The following SCARB1 variants were observed in gnomAD, a reference collection of about 807,000 sequenced individuals.
SCARB1 encodes CD36 and LIMPII analogous 1.
In SCARB1, 30 loss-of-function variants were observed where a neutral mutation model predicts 57.2. The observed-to-expected ratio is 0.52, with a 90% confidence interval of 0.39 to 0.71. The LOEUF is 0.71. SCARB1 is among the 30% of genes least tolerant of loss of function. The pLI is 0.00. For synonymous variants in SCARB1, 249 were observed against 268.3 expected (o/e 0.93, Z 0.70); for missense variants, 543 against 671.2 (o/e 0.81, Z 2.11).
chr12:124,798,239 C>T (rs143540882), intron 8 of SCARB1, among the ~76,000 whole-genome samples: 2 of 152,036 alleles, frequency 1.3e-5, no homozygotes, highest in Non-Finnish European at 1.5e-5. Flanking sequence ...GGTGAAATCC[C>T]GTCTCCACTA....
In SCARB1 at chr12:124,810,370, T is replaced by C; in HGVS notation, c.727-81A>G. On this transcript the variant is annotated intron_variant, in intron 5 of 12. Transcript: ENST00000261693. This position sits in a 1 kb window ranked among gnomAD's most constrained non-coding sequence, Gnocchi z 4.0. ...CCCTCTCAGGTGCTGCACACCTAAC[T>C]CACCCTGGTGCACGCACGGCCACTC... 4.1e-6 allele frequency: 4 copies of C among 972,828 alleles called. No individual in the cohort carries two copies. The highest frequency in any genetic ancestry group is 5.0e-6 in the Non-Finnish European group (3 of 602,344). 60.3% of individuals were successfully genotyped at this position (972,828 alleles called of 1,614,324 possible).
intron 12 of SCARB1, among the ~76,000 whole-genome samples, chr12:124,779,006 G>A (rs367647452): frequency 5.3e-5 from 8 of 152,106 alleles, no homozygotes; most frequent in Admixed American, 2.6e-4. Flanking sequence ...GCTGGAGTAC[G>A]GTGGTGCCAT....
chr12:124,807,200 CA>C lies in SCARB1; in HGVS notation c.1009+560del, dbSNP rs1249311273. Among the ~76,000 whole-genome samples the C allele has an allele frequency of 5.9e-5, 9 of 151,376 alleles. No individual in the cohort carries two copies. The highest frequency in any genetic ancestry group is 1.5e-4 in the African/African-American group (6 of 41,184). On this transcript the variant is annotated intron_variant, in intron 7 of 12. Transcript: ENST00000261693. This position sits in a 1 kb window ranked among gnomAD's most constrained non-coding sequence, Gnocchi z 5.3. Reference sequence around the variant, plus strand: ...TGGGTAACAGAGTGAGAGTCTGTCTCAAAAAAAATAATAATAAACAAGATGG... The same window carrying C: ...TGGGTAACAGAGTGAGAGTCTGTCTCAAAAAAATAATAATAAACAAGATGG...
intron 1 of SCARB1, among the ~76,000 whole-genome samples, chr12:124,820,602 C>T (rs1237419043): frequency 6.6e-6 from 1 of 152,334 alleles, no homozygotes; most frequent in East Asian, 1.9e-4. Context: ...GCAGGTCCCT[C>T]TGTCTGGGAC....
At chr12:124,802,910 C>T (rs183479837) in intron 7 of SCARB1, among the ~76,000 whole-genome samples, 1 of 152,300 alleles carries the variant, frequency 6.6e-6, no homozygotes, top group African/African-American at 2.4e-5. Context: ...GAAACACAGA[C>T]ATAGGTGCAC....
chr12:124,837,459 G>A (rs1186791013), intron 1 of SCARB1, among the ~76,000 whole-genome samples: 1 of 63,716 alleles, frequency 1.6e-5, no homozygotes, highest in Admixed American at 2.0e-4. Context: ...AAGAAAGAAG[G>A]AAAGAAAGAA....
intron 12 of SCARB1, among the ~76,000 whole-genome samples, chr12:124,780,443 G>A (rs950561003): frequency 6.6e-6 from 1 of 152,210 alleles, no homozygotes; most frequent in Non-Finnish European, 1.5e-5. Context: ...CAGGGCAAAG[G>A]TGTGGGGCCT....
At chr12:124,828,451 C>T (rs1021812903) in intron 1 of SCARB1, among the ~76,000 whole-genome samples, 6 of 152,196 alleles carry the variant, frequency 3.9e-5, no homozygotes, top group African/African-American at 1.4e-4. Context: ...TTTAAAGACA[C>T]AGGGATGAAC....
At chr12:124,787,675 T>TA (rs765996517) in intron 9 of SCARB1, among the ~76,000 whole-genome samples, 40 of 152,112 alleles carry the variant, frequency 2.6e-4, no homozygotes, top group Non-Finnish European at 4.7e-4. Context: ...ATAATACTTG[T>TA]AAATAAGACT....
chr12:124,840,321 G>T (rs1951860364), intron 1 of SCARB1, among the ~76,000 whole-genome samples: 1 of 152,082 alleles, frequency 6.6e-6, no homozygotes. Flanking sequence ...TTACATACAG[G>T]CGCCTGCCAC....
intron 1 of SCARB1, among the ~76,000 whole-genome samples, chr12:124,859,486 G>A (rs1206031206): frequency 1.3e-5 from 2 of 152,014 alleles, no homozygotes; most frequent in African/African-American, 4.8e-5. Flanking sequence ...AGCCGAGATC[G>A]TGCCACTGCA....
In SCARB1 at chr12:124,776,997, C is replaced by A. The variant is rs1872541897; in HGVS notation, c.*1590G>T. ...AAATACAAGTTTAAGGGGAAAAGGG[C>A]TAACATTTCTGACCATAAAAGAGCT... On this transcript the variant is annotated 3_prime_UTR_variant, in exon 13 of 13. Coordinates refer to ENST00000261693, the MANE Select transcript of SCARB1 (RefSeq NM_005505.5). 6.6e-6 allele frequency: 1 copy of A among 151,992 alleles called. No individual in the cohort carries two copies. The highest frequency in any genetic ancestry group is 1.5e-5 in the Non-Finnish European group (1 of 67,978). The allele number at this position is 151,992 out of a possible 1,614,324, so 9.4% of individuals were successfully genotyped here. A position where few individuals can be genotyped will look rare whatever the true frequency, so the allele number is the denominator to read the frequency against.
chr12:124,820,485 G>A (rs927711815), intron 1 of SCARB1, among the ~76,000 whole-genome samples: 2 of 151,670 alleles, frequency 1.3e-5, no homozygotes, highest in African/African-American at 2.4e-5. Context: ...CACCCCATGC[G>A]ACCACAGCCC....
At chr12:124,818,736 T>C (rs10846740) in intron 1 of SCARB1, among the ~76,000 whole-genome samples, 117,564 of 150,962 alleles carry the variant, frequency 0.78, 46,415 homozygotes, top group Non-Finnish European at 0.85. Context: ...ACCTCCATAT[T>C]CCGGGTTCAA....
chr12:124,851,319 C>T, intron 1 of SCARB1, among the ~76,000 whole-genome samples: 1 of 152,162 alleles, frequency 6.6e-6, no homozygotes, highest in East Asian at 1.9e-4. Flanking sequence ...TCTAGAATCG[C>T]ATTCAGCCTG....
At chr12:124,787,567 T>G (rs899056912) in intron 9 of SCARB1, 110 bp from the exon 10 acceptor site, 7 of 906,690 alleles carry the variant, frequency 7.7e-6, no homozygotes, top group Non-Finnish European at 1.2e-5. Flanking sequence ...TTGCACACAC[T>G]AAACCCTCAC....
chr12:124,800,050 G>A lies in SCARB1; in HGVS notation c.1128+74C>T. On this transcript the variant is annotated intron_variant, in intron 8 of 12. Transcript: ENST00000261693. The surrounding 1 kb of genome is among the most constrained non-coding windows in gnomAD (Gnocchi z 4.8). The stretch of plus-strand genomic sequence containing the variant: ...CCCAGCCCACAGCAGCTCTCTGCCT[G>A]GGGAGAGAGGAGGCAGCCAGGTGTG... 1 of 1,120,758 alleles carries A rather than the reference G, an allele frequency of 8.9e-7. No individual in the cohort carries two copies. Among genetic ancestry groups the A allele is most frequent in the Non-Finnish European group, 1.4e-6 (1 of 732,994 alleles). 69.4% of individuals were successfully genotyped at this position (1,120,758 alleles called of 1,614,324 possible).
chr12:124,818,426 G>A (rs113453335), intron 1 of SCARB1, among the ~76,000 whole-genome samples: 1,973 of 152,086 alleles, frequency 0.013, 47 homozygotes, highest in African/African-American at 0.045. Flanking sequence ...GACCAGCCTG[G>A]GCAACATAGC....
chr12:124,788,217 A>T (rs9919713), intron 9 of SCARB1, among the ~76,000 whole-genome samples: 27,434 of 152,052 alleles, frequency 0.18, 4,491 homozygotes, highest in East Asian at 0.42. Flanking sequence ...GACAACTTGA[A>T]AATAATCTTT....
Sources: gnomAD v4.1 joint callset for allele counts (sites outside exome capture counted in the v4.1 genomes callset) on GRCh38, gnomAD v4.1.1 for gene constraint, Gnocchi (gnomAD v3.1) non-coding constraint, MANE v1.5 for transcripts, NCBI Gene and HGNC (gene_info 2026-07-23, HGNC 2026-07-21) for gene names.